FAM13C: variants seen among roughly 807,000 people sequenced by gnomAD.
The protein encoded by FAM13C is protein FAM13C.
Under a neutral mutation model 73.2 loss-of-function variants are expected in FAM13C, and 37 were observed. The ratio of observed to expected loss-of-function variants is 0.51; its 90% CI spans 0.39 to 0.67. The LOEUF (loss-of-function observed/expected upper bound fraction) is 0.67. Ranked by LOEUF, FAM13C falls within the 30% of genes least tolerant of loss-of-function variation. The pLI, the probability that FAM13C is intolerant of heterozygous loss-of-function variation, is 0.00. For missense variants in FAM13C, 589 were observed against 715.6 expected, an observed-to-expected ratio of 0.82 and a Z score of 2.02; for synonymous variants, 246 against 260.9, an observed-to-expected ratio of 0.94 and a Z score of 0.55.
chr10:59,283,787 A>C (rs1845219248), intron 5 of FAM13C: 2 of 505,686 alleles, frequency 4.0e-6, no homozygotes, highest in Non-Finnish European at 7.1e-6. Context: ...CTGGAGAACC[A>C]ATCTGAGAAG....
At chr10:59,304,088 C>G (rs1416380718) in intron 4 of FAM13C, among the ~76,000 whole-genome samples, 1 of 152,096 alleles carries the variant, frequency 6.6e-6, no homozygotes, top group Non-Finnish European at 1.5e-5. Context: ...GCGGAGGTTG[C>G]AATAAGCTGA....
chr10:59,349,117 T>C (rs1854696462), intron 3 of FAM13C, among the ~76,000 whole-genome samples: 1 of 152,242 alleles, frequency 6.6e-6, no homozygotes, highest in South Asian at 2.1e-4. Flanking sequence ...TCACATTACG[T>C]GCTATGCTTA....
chr10:59,308,600 T>TCACCATCACCACCACCAGCAC (rs1456791891), intron 4 of FAM13C, among the ~76,000 whole-genome samples: 4 of 148,972 alleles, frequency 2.7e-5, no homozygotes, highest in African/African-American at 1.0e-4. Context: ...CCAACCAGCA[T>TCACCATCACCACCACCAGCAC]CACCATCACC....
chr10:59,308,540 C>CCCA (rs1239591891), intron 4 of FAM13C, among the ~76,000 whole-genome samples: 2 of 45,954 alleles, frequency 4.4e-5, no homozygotes, highest in Non-Finnish European at 1.2e-4. Context: ...CATCATCACC[C>CCCA]CCACCACCAC....
chr10:59,293,055 C>T (rs962501559), intron 5 of FAM13C, among the ~76,000 whole-genome samples: 5 of 133,070 alleles, frequency 3.8e-5, no homozygotes, highest in African/African-American at 5.6e-5. Flanking sequence ...CTGAGATCAA[C>T]ATTTTTTCTT....
At position 59,302,817 on chromosome 10, in the gene FAM13C, C is replaced by T. The variant is rs1460927714; in HGVS notation, c.491G>A (p.Arg164Gln). Residue 164 changes from arginine to glutamine, a missense_variant, in exon 5 of 14, where the codon CGG (arginine) becomes CAG (glutamine). Physicochemically the swap from Arg to Gln is conservative, Grantham distance 43. Coordinates refer to ENST00000618804, the MANE Select transcript of FAM13C (RefSeq NM_198215.4). ...AISPKDAFET[R>Q]QDLNEEEAAQ... Reference sequence around the variant, plus strand: ...TGCACGTACCTCATTTAAGTCCTGCCGAGTTTCAAAAGCATCCTTTGGCGA... The same window carrying T: ...TGCACGTACCTCATTTAAGTCCTGCTGAGTTTCAAAAGCATCCTTTGGCGA... The T allele has an allele frequency of 1.2e-5, 20 of 1,613,954 alleles. No homozygotes were observed. Among genetic ancestry groups the T allele is most frequent in the East Asian group, 2.2e-5 (1 of 44,876 alleles).
chr10:59,278,805 C>A (rs1844606933), intron 6 of FAM13C, among the ~76,000 whole-genome samples: 1 of 151,556 alleles, frequency 6.6e-6, no homozygotes, highest in African/African-American at 2.4e-5. Flanking sequence ...CTCTAGAAGG[C>A]TTTAGAAGTC....
In FAM13C at chr10:59,246,569, A is replaced by G. The variant is rs1840726347; in HGVS notation, c.*1045T>C. On this transcript the variant is annotated 3_prime_UTR_variant, in exon 14 of 14. Coordinates refer to ENST00000618804, the MANE Select transcript of FAM13C (RefSeq NM_198215.4). ...CCTTTTACAAAAATGAAAATAATAA[A>G]CATGTTTTCGTATAAAATAACACAA... 1 of 396,716 alleles carries G rather than the reference A, an allele frequency of 2.5e-6. No individual in the cohort carries two copies. 24.6% of individuals were successfully genotyped at this position (396,716 alleles called of 1,614,324 possible).
chr10:59,279,553 C>T (rs899449427), intron 6 of FAM13C, among the ~76,000 whole-genome samples: 1 of 152,166 alleles, frequency 6.6e-6, no homozygotes, highest in Non-Finnish European at 1.5e-5. Context: ...TTTGCTAAAA[C>T]TCCAAACCAT....
intron 4 of FAM13C, among the ~76,000 whole-genome samples, chr10:59,313,630 C>A (rs1235536894): frequency 6.6e-6 from 1 of 152,160 alleles, no homozygotes; most frequent in Non-Finnish European, 1.5e-5. Context: ...GGGAAACCAA[C>A]TTGTCCAAGG....
intron 3 of FAM13C, among the ~76,000 whole-genome samples, chr10:59,351,795 A>G (rs1855075748): frequency 6.6e-6 from 1 of 152,104 alleles, no homozygotes; most frequent in Non-Finnish European, 1.5e-5. Flanking sequence ...GGTGTTGGAG[A>G]CCAGCCTGGC....
At chr10:59,256,172 A>G (rs1405495947) in intron 10 of FAM13C, among the ~76,000 whole-genome samples, 3 of 152,184 alleles carry the variant, frequency 2.0e-5, no homozygotes, top group African/African-American at 7.2e-5. Context: ...ATCAAAATCT[A>G]TTCCATGGGA....
At chr10:59,332,967 T>C (rs1018740307) in intron 3 of FAM13C, among the ~76,000 whole-genome samples, 3 of 150,876 alleles carry the variant, frequency 2.0e-5, no homozygotes, top group Non-Finnish European at 4.4e-5. Context: ...CTGGGGAGTA[T>C]TTTGTTATTG....
intron 3 of FAM13C, among the ~76,000 whole-genome samples, chr10:59,349,529 G>T (rs1438256723): frequency 6.6e-6 from 1 of 152,118 alleles, no homozygotes; most frequent in Non-Finnish European, 1.5e-5. Context: ...CCAGCACTTT[G>T]GGAGGCTGAA....
At chr10:59,282,160 A>ATGC (rs1029017705) in intron 6 of FAM13C, 1 of 152,226 alleles carries the variant, frequency 6.6e-6, no homozygotes, top group African/African-American at 2.4e-5. Flanking sequence ...CTCACCAGCA[A>ATGC]TGCTATACTA....
intron 4 of FAM13C, among the ~76,000 whole-genome samples, chr10:59,322,001 G>A (rs968954001): frequency 6.6e-6 from 1 of 152,104 alleles, no homozygotes; most frequent in Non-Finnish European, 1.5e-5. Context: ...ACCAGACCTA[G>A]GTCTGGAGTG....
rs1273291133 is a variant in FAM13C at position 59,252,873 on chromosome 10, C to T, written c.1458G>A (p.Arg486=). ...CTTTCTTTTCATCTGGTAAAAGGGC[C>T]CTAACAGGCTCAGTCTCATTAGAGT... ...LTYSNETEPV[R]ALLPDEKKEV... Residue 486 remains arginine, a synonymous_variant, in exon 12 of 14, where the codon AGG becomes AGA. Coordinates refer to ENST00000618804, the MANE Select transcript of FAM13C (RefSeq NM_198215.4). The T allele has an allele frequency of 6.2e-7, 1 of 1,614,048 alleles. No homozygotes were observed.
At chr10:59,326,365 G>T (rs1030483363) in intron 3 of FAM13C, among the ~76,000 whole-genome samples, 5 of 152,052 alleles carry the variant, frequency 3.3e-5, no homozygotes, top group African/African-American at 1.2e-4. Flanking sequence ...CCTCAAGATG[G>T]TATGGAGAAT....
At chr10:59,339,231 T>C (rs1377341769) in intron 3 of FAM13C, among the ~76,000 whole-genome samples, 1 of 152,108 alleles carries the variant, frequency 6.6e-6, no homozygotes, top group Non-Finnish European at 1.5e-5. Flanking sequence ...TAATTATATC[T>C]GCAAAGACCC....
Sources: gnomAD v4.1 joint callset for allele counts (sites outside exome capture counted in the v4.1 genomes callset) on GRCh38, gnomAD v4.1.1 for gene constraint, MANE v1.5 for transcripts, NCBI Gene and HGNC (gene_info 2026-07-23, HGNC 2026-07-21) for gene names.